Variants in GRID1 observed in about 807,000 individuals in gnomAD.
The protein encoded by GRID1 is glutamate receptor ionotropic, delta-1.
GRID1 carries 28 observed loss-of-function variants against 98.0 expected under a neutral mutation model. The observed-to-expected ratio is 0.29, with a 90% confidence interval of 0.21 to 0.39. GRID1 has a LOEUF of 0.39. GRID1 is among the 10% of genes least tolerant of loss of function. The pLI is 1.00. For missense variants in GRID1, 1,111 were observed against 1,340.5 expected, an observed-to-expected ratio of 0.83 and a Z score of 2.67; for synonymous variants, 553 against 538.5, an observed-to-expected ratio of 1.03 and a Z score of -0.37.
intron 4 of GRID1, among the ~76,000 whole-genome samples, chr10:85,941,792 A>G (rs1383498138): frequency 2.6e-5 from 4 of 152,324 alleles, no homozygotes; most frequent in South Asian, 4.1e-4. Flanking sequence ...TTTTATTTCT[A>G]TCCCAAGCCC....
rs138738319 is a variant in GRID1, at chr10:85,921,385, G to A, written c.727-5146C>T. 2.4e-3 allele frequency among the ~76,000 whole-genome samples: 370 copies of A among 152,330 alleles called. 8 individuals are homozygous for A. The highest frequency in any genetic ancestry group is 0.017 in the Admixed American group (258 of 15,304). ...GAAGGGAATGTGTCTCCCTGCTCGA[G>A]AGCAACAGCCCCAATCTGAACCTCA... On this transcript the variant is annotated intron_variant, in intron 4 of 15. Transcript: ENST00000327946.
intron 4 of GRID1, among the ~76,000 whole-genome samples, chr10:86,006,472 G>C (rs1842861501): frequency 6.6e-6 from 1 of 152,156 alleles, no homozygotes; most frequent in African/African-American, 2.4e-5. Flanking sequence ...TACAAAATTA[G>C]CTGAGCGTGG....
intron 4 of GRID1, among the ~76,000 whole-genome samples, chr10:85,968,183 GC>G (rs1403159688): frequency 2.6e-5 from 4 of 151,898 alleles, no homozygotes; most frequent in African/African-American, 9.7e-5. Context: ...AGGTGCAGTG[GC>G]TCACTCCTGT....
intron 2 of GRID1, among the ~76,000 whole-genome samples, chr10:86,297,709 G>A (rs977977872): frequency 6.6e-6 from 1 of 152,216 alleles, no homozygotes; most frequent in Non-Finnish European, 1.5e-5. Flanking sequence ...GTGTCAGGCA[G>A]CGTTGATAAC....
chr10:86,002,393 G>T (rs184951284), intron 4 of GRID1, among the ~76,000 whole-genome samples: 6 of 152,216 alleles, frequency 3.9e-5, no homozygotes, highest in Non-Finnish European at 5.9e-5. Flanking sequence ...AAACAGAGCT[G>T]CCCCTGAGTT....
chr10:85,687,334 T>C (rs7081320), intron 12 of GRID1, among the ~76,000 whole-genome samples: 1,543 of 152,316 alleles, frequency 0.01, 30 homozygotes, highest in African/African-American at 0.034. Context: ...CATCCAAAAA[T>C]AGGCAGAGCC....
At chr10:85,616,626 TA>T (rs1842792334) in intron 14 of GRID1, among the ~76,000 whole-genome samples, 1 of 152,098 alleles carries the variant, frequency 6.6e-6, no homozygotes, top group Non-Finnish European at 1.5e-5. Flanking sequence ...AAGCATAACA[TA>T]AAACAAAAAA....
At chr10:85,731,936 A>AG (rs34265318) in intron 8 of GRID1, among the ~76,000 whole-genome samples, 56,766 of 148,700 alleles carry the variant, frequency 0.38, 11,306 homozygotes, top group African/African-American at 0.51. Flanking sequence ...AGAGAGAGAG[A>AG]AGGGAAGGGA....
intron 4 of GRID1, among the ~76,000 whole-genome samples, chr10:86,105,439 CTA>C (rs753311794): frequency 1.4e-4 from 21 of 152,224 alleles, no homozygotes; most frequent in Non-Finnish European, 3.1e-4. Context: ...CTGCACCACG[CTA>C]TCTCTTCAGA....
intron 4 of GRID1, among the ~76,000 whole-genome samples, chr10:86,055,612 G>A (rs1843561758): frequency 6.6e-6 from 1 of 152,168 alleles, no homozygotes; most frequent in Non-Finnish European, 1.5e-5. Context: ...ACATGATGGT[G>A]CACGCCTGTA....
chr10:86,327,158 T>C (rs1385930080), intron 2 of GRID1, among the ~76,000 whole-genome samples: 1 of 152,128 alleles, frequency 6.6e-6, no homozygotes, highest in Admixed American at 6.6e-5. Context: ...AAAAAGAATT[T>C]GATTTCAAAG....
intron 13 of GRID1, among the ~76,000 whole-genome samples, chr10:85,645,314 A>C (rs183143169): frequency 3.3e-5 from 5 of 152,366 alleles, no homozygotes; most frequent in Admixed American, 3.3e-4. Flanking sequence ...AAAAGGCCTT[A>C]AATCAACATT....
chr10:85,950,307 G>T (rs959195926), intron 4 of GRID1, among the ~76,000 whole-genome samples: 1 of 152,178 alleles, frequency 6.6e-6, no homozygotes, highest in Non-Finnish European at 1.5e-5. Flanking sequence ...AAAGAGACAT[G>T]GTTCCGGAAA....
At chr10:86,075,085 C>G (rs1249002030) in intron 4 of GRID1, among the ~76,000 whole-genome samples, 1 of 148,480 alleles carries the variant, frequency 6.7e-6, no homozygotes. Flanking sequence ...GGAGGAGAGT[C>G]CAGCTCAACT....
intron 8 of GRID1, among the ~76,000 whole-genome samples, chr10:85,798,347 T>C (rs1842544246): frequency 6.6e-6 from 1 of 152,170 alleles, no homozygotes; most frequent in Non-Finnish European, 1.5e-5. Flanking sequence ...TATCAGACAA[T>C]ATAGAAATTA....
chr10:86,338,042 A>C (rs933968968), intron 2 of GRID1, among the ~76,000 whole-genome samples: 11 of 152,198 alleles, frequency 7.2e-5, no homozygotes, highest in Non-Finnish European at 2.9e-5. Flanking sequence ...GGTTTTGGAA[A>C]GAAGTGAGAC....
intron 5 of GRID1, among the ~76,000 whole-genome samples, chr10:85,893,383 G>T (rs1841233820): frequency 1.3e-5 from 2 of 152,186 alleles, no homozygotes; most frequent in South Asian, 2.1e-4. Context: ...TCTAGTCAGG[G>T]CACCAGGGCT....
rs76581017 is a variant in GRID1 at position 85,725,538 on chromosome 10, G to A, written c.1534-862C>T. Reference sequence around the variant, plus strand: ...TGGGGCGATTACGGGTTTCATGTCCGGATGGGTGGATGCCAGGTGACAATG... The same window carrying A: ...TGGGGCGATTACGGGTTTCATGTCCAGATGGGTGGATGCCAGGTGACAATG... On this transcript the variant is annotated intron_variant, in intron 10 of 15. Transcript: ENST00000327946. Among the ~76,000 whole-genome samples, 656 of 152,262 alleles carry A rather than the reference G, an allele frequency of 4.3e-3. 5 individuals carry two copies. The highest frequency in any genetic ancestry group is 0.014 in the African/African-American group (579 of 41,560).
At chr10:85,754,397 A>G (rs1842076468) in intron 8 of GRID1, among the ~76,000 whole-genome samples, 1 of 152,242 alleles carries the variant, frequency 6.6e-6, no homozygotes, top group South Asian at 2.1e-4. Flanking sequence ...GAAAGATAGA[A>G]TAAAAGAAAG....
Sources: allele counts gnomAD v4.1 joint callset (sites outside exome capture counted in the v4.1 genomes callset), GRCh38; gene constraint gnomAD v4.1.1; transcripts MANE v1.5; gene names NCBI Gene and HGNC (gene_info 2026-07-23, HGNC 2026-07-21).